Variants in COL18A1 observed in about 807,000 individuals in gnomAD.
The protein encoded by COL18A1 is collagen alpha-1(XVIII) chain.
Under a neutral mutation model 168.0 loss-of-function variants are expected in COL18A1, and 133 were observed. That is an observed-to-expected ratio of 0.79 (90% CI 0.69 to 0.91). COL18A1 has a LOEUF of 0.91. Among genes scored for constraint, COL18A1 ranks in the 40% least tolerant of loss-of-function variants. COL18A1 has a pLI of 0.00. For synonymous variants in COL18A1, 949 were observed against 809.0 expected, an observed-to-expected ratio of 1.17 and a Z score of -2.94; for missense variants, 2,126 against 1,925.4, an observed-to-expected ratio of 1.10 and a Z score of -1.95.
At chr21:45,490,018 A>T (rs1189243671) in intron 19 of COL18A1, among the ~76,000 whole-genome samples, 1 of 424 alleles carries the variant, frequency 2.4e-3, no homozygotes, top group African/African-American at 0.011. Context: ...CCTCCCCCAC[A>T]CCCTCCCCCA....
At position 45,480,302 on chromosome 21, in the gene COL18A1, C is replaced by A. The variant is rs1402759174; in HGVS notation, c.1398+146C>A. 9 of 1,335,066 alleles carry A rather than the reference C, an allele frequency of 6.7e-6. No individual in the cohort carries two copies. In the East Asian group the frequency reaches 2.2e-4, roughly 33 times the overall value. 82.7% of individuals were successfully genotyped at this position (1,335,066 alleles called of 1,614,324 possible). A position where few individuals can be genotyped will look rare whatever the true frequency, so the allele number is the denominator to read the frequency against. ...GAGGGGTCACAGGTGTGGTGGGAGC[C>A]CCCATCCACCTGCCTTCAGGCTTCT... On this transcript the variant is annotated intron_variant, in intron 11 of 41. Transcript: ENST00000651438.
At position 45,496,082 on chromosome 21, in the gene COL18A1, TGCCCTCTATGCCCTCC is replaced by T. The variant is rs1366314696; in HGVS notation, c.2509-417_2509-402del. On this transcript the variant is annotated intron_variant, in intron 29 of 41. Transcript: ENST00000651438. ...CCATGGGCCTGGGCCATGCCCTCCATGCCCTCTATGCCCTCCATGCCCTCCATGCCCTCCAAGCCCT... is the reference window on the plus strand; with the variant it reads ...CCATGGGCCTGGGCCATGCCCTCCATATGCCCTCCATGCCCTCCAAGCCCT... The T allele has an allele frequency of 7.4e-4, 189 of 254,178 alleles. 1 individual carries two copies. Among genetic ancestry groups the T allele is most frequent in the African/African-American group, 4.7e-3 (176 of 37,062 alleles). 15.7% of individuals were successfully genotyped at this position (254,178 alleles called of 1,614,324 possible). A position where few individuals can be genotyped will look rare whatever the true frequency, so the allele number is the denominator to read the frequency against.
At chr21:45,475,644 T>A (rs1332887461) in intron 5 of COL18A1, 109 bp downstream of exon 5, 1 of 955,404 alleles carries the variant, frequency 1.0e-6, no homozygotes, top group Non-Finnish European at 1.6e-6. Context: ...GAGCTCCCTC[T>A]ATGCCACGAA....
chr21:45,487,230 C>G lies in COL18A1; in HGVS notation c.1834-217C>G, dbSNP rs890765429. On this transcript the variant is annotated intron_variant, in intron 16 of 41. Transcript: ENST00000651438. Reference sequence around the variant, plus strand: ...CCATGCCCCAGCACCCGTGCCCTGACCAAGAGCGAATGAGCTGACCCGAGA... The same window carrying G: ...CCATGCCCCAGCACCCGTGCCCTGAGCAAGAGCGAATGAGCTGACCCGAGA... Among the ~76,000 whole-genome samples, 8 of 152,226 alleles carry G rather than the reference C, an allele frequency of 5.3e-5. No individual in the cohort carries two copies. In the East Asian group the frequency reaches 1.5e-3, roughly 29 times the overall value.
At chr21:45,491,861 G>A (rs1017365482) in intron 22 of COL18A1, among the ~76,000 whole-genome samples, 2 of 152,162 alleles carry the variant, frequency 1.3e-5, no homozygotes, top group African/African-American at 4.8e-5. Context: ...CCCCACTCTG[G>A]GCAGGGAGCT....
chr21:45,493,114 T>TG, intron 24 of COL18A1, 49 bp from the exon 25 acceptor site: 1 of 1,515,696 alleles, frequency 6.6e-7, no homozygotes. Flanking sequence ...CCGTCGGGGA[T>TG]GGGGGAGATG....
intron 2 of COL18A1, among the ~76,000 whole-genome samples, chr21:45,428,108 T>C (rs113897461): frequency 1.2e-4 from 19 of 152,304 alleles, no homozygotes; most frequent in Admixed American, 5.9e-4. Flanking sequence ...CATCCCTCTG[T>C]GGGCAGCTCG....
At chr21:45,455,536 T>A in intron 2 of COL18A1, 1 of 1,613,062 alleles carries the variant, frequency 6.2e-7, no homozygotes, top group Non-Finnish European at 8.5e-7. Flanking sequence ...CCCCGATGGC[T>A]CCCTACCCCT....
chr21:45,505,234 CA>C lies in COL18A1; in HGVS notation c.2970del (p.Gly991AlafsTer40). ...GGGCGCCAGGGCCCTCCCGGCCCCC[CA>C]GGCCCCCCAGGGCCCCCTTCATTTC... ...YEGRQGPPGP[P>X]GPPGPPSFPG... On this transcript the variant is annotated frameshift_variant, in exon 35 of 42. Coordinates refer to ENST00000651438, the MANE Select transcript of COL18A1 (RefSeq NM_001379500.1). LOFTEE classifies it high-confidence loss of function. The C allele has an allele frequency of 6.3e-7, 1 of 1,597,738 alleles. No homozygotes were observed. Among genetic ancestry groups the C allele is most frequent in the Non-Finnish European group, 8.5e-7 (1 of 1,169,980 alleles).
At chr21:45,491,125 C>G in intron 21 of COL18A1, 100 bp from the exon 22 acceptor site, 1 of 1,102,948 alleles carries the variant, frequency 9.1e-7, no homozygotes, top group Middle Eastern at 2.2e-4. Context: ...CCTCCTCACC[C>G]ACCGTGGGCT....
intron 13 of COL18A1, 119 bp downstream of exon 13, chr21:45,480,977 C>T: frequency 2.1e-6 from 3 of 1,414,524 alleles, no homozygotes; most frequent in African/African-American, 2.8e-5. Flanking sequence ...CTCCTCACCT[C>T]ATCTCCTCTA....
At chr21:45,487,390 G>A in intron 16 of COL18A1, 57 bp from the exon 17 acceptor site, 1 of 1,590,752 alleles carries the variant, frequency 6.3e-7, no homozygotes, top group South Asian at 1.1e-5. Context: ...ACCCCAGGGA[G>A]GGGTCCTTCC....
chr21:45,502,559 A>C (rs1452323249), intron 32 of COL18A1: 1 of 152,248 alleles, frequency 6.6e-6, no homozygotes, highest in Non-Finnish European at 1.5e-5. Flanking sequence ...AATAGCAAGG[A>C]TCAAGAAAGT....
intron 3 of COL18A1, 129 bp downstream of exon 3, chr21:45,468,915 G>A (rs114515445): frequency 4.9e-6 from 5 of 1,016,624 alleles, no homozygotes; most frequent in Admixed American, 2.8e-5. Flanking sequence ...TGGTCAGCCC[G>A]GGCCTCCAGC....
chr21:45,496,717 G>C, intron 30 of COL18A1, 149 bp downstream of exon 30: 1 of 699,524 alleles, frequency 1.4e-6, no homozygotes, highest in South Asian at 1.5e-5. Flanking sequence ...ATTAGCAGCT[G>C]AGTTCCCACG....
chr21:45,486,938 ACCAGGCCCC>A lies in COL18A1; in HGVS notation c.1782_1790del (p.Pro603_Pro605del), dbSNP rs542176313. 2.0e-4 allele frequency: 303 copies of A among 1,503,862 alleles called. 3 individuals carry two copies. In the East Asian group the frequency reaches 6.9e-3, roughly 34 times the overall value. 93.2% of individuals were successfully genotyped at this position (1,503,862 alleles called of 1,614,324 possible). A position where few individuals can be genotyped will look rare whatever the true frequency, so the allele number is the denominator to read the frequency against. Reference sequence around the variant, plus strand: ...CAGGAGCCCCCGGACCTGCTGGACCACCAGGCCCCCCTGGGCCCCCTGGGCCCCCAGGAC... The same window carrying A: ...CAGGAGCCCCCGGACCTGCTGGACCACCTGGGCCCCCTGGGCCCCCAGGAC... On this transcript the variant is annotated inframe_deletion, in exon 16 of 42. Transcript: ENST00000651438.
rs754187386 is a variant in COL18A1, at chr21:45,476,407, G to C, written c.855G>C (p.Leu285Phe). 4 of 1,614,188 alleles carry C rather than the reference G, an allele frequency of 2.5e-6. No homozygotes were observed. In the South Asian group the frequency reaches 3.3e-5, roughly 13 times the overall value. ...PAPPPVTTPP[L>F]AGGSSTEDSR... ...CACCCCCCGTCACCACGCCACCCTT[G>C]GCTGGAGGCAGCAGCACGGAAGATT... is the stretch of plus-strand genomic sequence containing the variant. The change falls in exon 6 of 42, where the codon TTG (leucine) becomes TTC (phenylalanine). Residue 285 changes from leucine to phenylalanine, a missense_variant. Leu to Phe is a conservative substitution (Grantham distance 22). Coordinates refer to ENST00000651438, the MANE Select transcript of COL18A1 (RefSeq NM_001379500.1).
At chr21:45,506,752 T>TCCCACCTTCCTTCTAGCACG (rs373283750) in intron 37 of COL18A1, 687 of 28,904 alleles carry the variant, frequency 0.024, 8 homozygotes, top group East Asian at 0.14. Flanking sequence ...TCTAGAGCCC[T>TCCCACCTTCCTTCTAGCACG]CCCACCTTCC....
At chr21:45,494,619 C>T (rs772113082) in intron 27 of COL18A1, 48 bp downstream of exon 27, 1 of 1,611,858 alleles carries the variant, frequency 6.2e-7, no homozygotes, top group East Asian at 2.2e-5. Flanking sequence ...GCATGACGGC[C>T]CCCAAGGACA....
Sources: allele counts gnomAD v4.1 joint callset (sites outside exome capture counted in the v4.1 genomes callset), GRCh38; gene constraint gnomAD v4.1.1; transcripts MANE v1.5; gene names NCBI Gene and HGNC (gene_info 2026-07-23, HGNC 2026-07-21).